SPDYE10: variants seen among roughly 807,000 people sequenced by gnomAD.
The protein encoded by SPDYE10 is speedy/RINGO cell cycle regulator family member E10.
chr7:73,146,950 GA>G, the SPDYE10 span, among the ~76,000 whole-genome samples: 1 of 62,132 alleles, frequency 1.6e-5, no homozygotes, highest in Non-Finnish European at 3.0e-5. Context: ...TCTCAGTTTG[GA>G]TGCTTAATTT....
the SPDYE10 span, among the ~76,000 whole-genome samples, chr7:73,132,740 C>T: frequency 1.3e-5 from 2 of 151,490 alleles, no homozygotes; most frequent in Non-Finnish European, 2.9e-5. Context: ...TGGCGTAAAA[C>T]ACTTTGGAAA....
chr7:73,123,863 C>T, the SPDYE10 span, among the ~76,000 whole-genome samples: 1 of 145,094 alleles, frequency 6.9e-6, no homozygotes, highest in African/African-American at 2.6e-5. Flanking sequence ...GGGCTTACTA[C>T]AACCTCTGCC....
the SPDYE10 span, among the ~76,000 whole-genome samples, chr7:73,114,354 T>TG: frequency 8.6e-4 from 120 of 140,338 alleles, no homozygotes; most frequent in African/African-American, 2.9e-3. Flanking sequence ...TGCTGGGTCA[T>TG]GGGGTGTGGC....
chr7:73,152,257 C>A, the SPDYE10 span, among the ~76,000 whole-genome samples: 1 of 137,628 alleles, frequency 7.3e-6, no homozygotes, highest in African/African-American at 2.8e-5. Flanking sequence ...TTGTGATCTG[C>A]CTGCTTTGGC....
the SPDYE10 span, chr7:73,155,395 C>T: frequency 9.5e-6 from 2 of 209,822 alleles, no homozygotes; most frequent in African/African-American, 3.1e-5. Flanking sequence ...GGGGGCGCAC[C>T]CCGGGCCGCT....
At chr7:73,130,370 CT>C in the SPDYE10 span, among the ~76,000 whole-genome samples, 1 of 151,478 alleles carries the variant, frequency 6.6e-6, no homozygotes, top group Non-Finnish European at 1.5e-5. Context: ...CAGGATAGAG[CT>C]TTTCGTGTTA....
At chr7:73,114,458 C>T in the SPDYE10 span, among the ~76,000 whole-genome samples, 1 of 150,042 alleles carries the variant, frequency 6.7e-6, no homozygotes, top group African/African-American at 2.4e-5. Context: ...CAAATCTCTG[C>T]CAACACCGAG....
the SPDYE10 span, among the ~76,000 whole-genome samples, chr7:73,132,410 G>C: frequency 6.6e-6 from 1 of 152,094 alleles, no homozygotes; most frequent in African/African-American, 2.4e-5. Context: ...AGCCAGGCAT[G>C]GTGGTATGTG....
the SPDYE10 span, among the ~76,000 whole-genome samples, chr7:73,143,776 CA>C: frequency 6.6e-6 from 1 of 151,788 alleles, no homozygotes; most frequent in African/African-American, 2.4e-5. Flanking sequence ...CGGCTCACTG[CA>C]ACCTCTGCCT....
the SPDYE10 span, among the ~76,000 whole-genome samples, chr7:73,134,418 G>A: frequency 3.4e-3 from 512 of 150,192 alleles, no homozygotes; most frequent in Non-Finnish European, 5.5e-3. Context: ...TATACCCAAT[G>A]TAAATGATGA....
chr7:73,113,534 G>A, the SPDYE10 span, among the ~76,000 whole-genome samples: 1 of 143,314 alleles, frequency 7.0e-6, no homozygotes, highest in African/African-American at 2.7e-5. Context: ...GCAAGACCTT[G>A]TGTCAAAAAA....
the SPDYE10 span, among the ~76,000 whole-genome samples, chr7:73,113,632 G>T: frequency 6.6e-6 from 1 of 151,432 alleles, no homozygotes; most frequent in Non-Finnish European, 1.5e-5. Context: ...AGTGGCTCAC[G>T]CCTGTAATCC....
At chr7:73,127,576 A>G in the SPDYE10 span, among the ~76,000 whole-genome samples, 1 of 41,372 alleles carries the variant, frequency 2.4e-5, no homozygotes, top group Admixed American at 3.8e-4. Flanking sequence ...AGAGAAGGGA[A>G]GGGGAGGGGA....
the SPDYE10 span, among the ~76,000 whole-genome samples, chr7:73,138,788 G>GT: frequency 7.5e-6 from 1 of 133,404 alleles, no homozygotes; most frequent in Non-Finnish European, 1.5e-5. Context: ...AGATTAAACA[G>GT]TGTGTTCAGG....
chr7:73,120,979 T>G, the SPDYE10 span, among the ~76,000 whole-genome samples: 1 of 147,612 alleles, frequency 6.8e-6, no homozygotes, highest in Non-Finnish European at 1.5e-5. Flanking sequence ...CACACCCAGC[T>G]AATTTTTGTA....
chr7:73,145,493 C>T, the SPDYE10 span, among the ~76,000 whole-genome samples: 1 of 136,570 alleles, frequency 7.3e-6, no homozygotes, highest in Non-Finnish European at 1.5e-5. Context: ...ATCTCAGCCT[C>T]CCAAGTTGTT....
chr7:73,123,788 C>CCCCTCTCTCTCTCT, the SPDYE10 span, among the ~76,000 whole-genome samples: 4 of 97,460 alleles, frequency 4.1e-5, no homozygotes, highest in African/African-American at 1.0e-4. Flanking sequence ...TCTCTCTCTC[C>CCCCTCTCTCTCTCT]CTCTCTCTCT....
the SPDYE10 span, among the ~76,000 whole-genome samples, chr7:73,123,401 G>A: frequency 6.6e-6 from 1 of 152,164 alleles, no homozygotes; most frequent in Non-Finnish European, 1.5e-5. Context: ...GTCCCCACCA[G>A]GTTTAAGCTC....
At chr7:73,130,588 G>T in the SPDYE10 span, among the ~76,000 whole-genome samples, 99 of 152,236 alleles carry the variant, frequency 6.5e-4, no homozygotes, top group East Asian at 0.016. Flanking sequence ...CTGAGTAGCT[G>T]GGATTACAGG....
Sources: gnomAD v4.1 joint callset for allele counts (sites outside exome capture counted in the v4.1 genomes callset) on GRCh38, gnomAD v4.1.1 for gene constraint, MANE v1.5 for transcripts, NCBI Gene and HGNC (gene_info 2026-07-23, HGNC 2026-07-21) for gene names.